The following STRN variants were observed in gnomAD, a reference collection of about 807,000 sequenced individuals.
STRN encodes the protein protein phosphatase 2 regulatory subunit B'''alpha.
STRN carries 53 observed loss-of-function variants against 96.3 expected under a neutral mutation model. The observed-to-expected ratio is 0.55, with a 90% CI of 0.44 to 0.69. STRN has a LOEUF of 0.69. Ranked by LOEUF, STRN falls within the 30% of genes least tolerant of loss-of-function variation. STRN has a pLI of 0.00. For missense variants in STRN, 987 were observed against 963.9 expected (o/e 1.02, Z -0.32); for synonymous variants, 428 against 355.9 (o/e 1.20, Z -2.28).
chr2:36,897,730 C>A (rs1669582847), intron 6 of STRN, among the ~76,000 whole-genome samples: 1 of 152,074 alleles, frequency 6.6e-6, no homozygotes, highest in Admixed American at 6.6e-5. Context: ...AGCCACCGTA[C>A]CCAGCCAAAA....
intron 1 of STRN, among the ~76,000 whole-genome samples, chr2:36,930,031 A>C (rs74889082): frequency 6.6e-6 from 1 of 152,224 alleles, no homozygotes; most frequent in African/African-American, 2.4e-5. Context: ...TCTATAAACT[A>C]TATCTATTCC....
In STRN at chr2:36,915,946, A is replaced by G. The variant is rs141746110; in HGVS notation, c.412+132T>C. Reference sequence around the variant, plus strand: ...ATCTAAATGACACTAAATGGTGCCAAAAGACAAGCAGGTCAGAAAAAATAA... The same window carrying G: ...ATCTAAATGACACTAAATGGTGCCAGAAGACAAGCAGGTCAGAAAAAATAA... On this transcript the variant is annotated intron_variant, in intron 3 of 17. Coordinates refer to ENST00000263918, the MANE Select transcript of STRN (RefSeq NM_003162.4). 934 of 756,726 alleles carry G rather than the reference A, an allele frequency of 1.2e-3. 13 individuals are homozygous for G. In the East Asian group the frequency reaches 0.021, roughly 17 times the overall value. 46.9% of individuals were successfully genotyped at this position (756,726 alleles called of 1,614,324 possible).
Position 36,851,008 on chromosome 2 carries a change from T to C in STRN, c.2078A>G (p.Asn693Ser). The C allele has an allele frequency of 6.2e-7, 1 of 1,608,498 alleles. No individual in the cohort carries two copies. The highest frequency in any genetic ancestry group is 8.5e-7 in the Non-Finnish European group (1 of 1,176,502). ...HEDRHIKFYD[N>S]NTGKLIHSMV... ...TCTTAATAAATTCTTACCTGTATTG[T>C]TATCATAGAATTTGATGTGCCTGTC... The change falls in exon 16 of 18, where the codon AAC (asparagine) becomes AGC (serine). Residue 693 changes from asparagine (N) to serine (S), a missense_variant. Physicochemically the swap from Asn to Ser is conservative, Grantham distance 46. Transcript: ENST00000263918.
At chr2:36,958,149 A>T (rs896439700) in intron 1 of STRN, among the ~76,000 whole-genome samples, 2 of 151,608 alleles carry the variant, frequency 1.3e-5, no homozygotes, top group Admixed American at 1.3e-4. Context: ...TGAACTCCGG[A>T]CCTCAGGTGA....
intron 1 of STRN, among the ~76,000 whole-genome samples, chr2:36,937,923 A>C (rs1206688108): frequency 6.6e-6 from 1 of 152,164 alleles, no homozygotes; most frequent in Admixed American, 6.5e-5. Context: ...CTATAAAGAA[A>C]AGTAGGGGAA....
intron 10 of STRN, among the ~76,000 whole-genome samples, chr2:36,871,693 T>C (rs911765592): frequency 2.6e-5 from 4 of 152,234 alleles, no homozygotes; most frequent in African/African-American, 9.6e-5. Flanking sequence ...TTTATATGCA[T>C]TAACTCACTT....
At chr2:36,965,128 G>A (rs946915177) in intron 1 of STRN, among the ~76,000 whole-genome samples, 19 of 151,660 alleles carry the variant, frequency 1.3e-4, no homozygotes, top group Admixed American at 9.8e-4. Context: ...TTTCTTAAGC[G>A]CCAAATACAT....
At chr2:36,934,177 A>C (rs1364985370) in intron 1 of STRN, among the ~76,000 whole-genome samples, 1 of 152,204 alleles carries the variant, frequency 6.6e-6, no homozygotes, top group Admixed American at 6.5e-5. Context: ...AGAAAGAAAA[A>C]TGTAAGGACT....
chr2:36,902,286 T>G (rs1669705602), intron 5 of STRN, among the ~76,000 whole-genome samples: 1 of 152,204 alleles, frequency 6.6e-6, no homozygotes, highest in East Asian at 1.9e-4. Context: ...TTCTTACAGA[T>G]TTGTACTGAA....
chr2:36,888,667 G>GTGTGTGTGTGTGTGTGTGTGTT (rs1343305681), intron 7 of STRN, among the ~76,000 whole-genome samples: 1 of 150,600 alleles, frequency 6.6e-6, no homozygotes, highest in Non-Finnish European at 1.5e-5. Context: ...GTGTGTGTGT[G>GTGTGTGTGTGTGTGTGTGTGTT]TGTGCATTTA....
chr2:36,850,682 A>C (rs539384105), intron 16 of STRN, among the ~76,000 whole-genome samples: 1 of 152,194 alleles, frequency 6.6e-6, no homozygotes, highest in East Asian at 1.9e-4. Context: ...ATAATACTAC[A>C]ATAGATCATA....
Position 36,840,998 on chromosome 2 carries a change from T to C in STRN, c.*8458A>G, listed in dbSNP as rs544175185. On this transcript the variant is annotated 3_prime_UTR_variant, in exon 18 of 18. Transcript: ENST00000263918. ...TAGCAGAGGCAAGCTATACTATCAA[T>C]TGGACACCTCAAGGGCACAAAATTG... The C allele has an allele frequency of 6.6e-6, 1 of 152,256 alleles. No homozygotes were observed. Among genetic ancestry groups the C allele is most frequent in the African/African-American group, 2.4e-5 (1 of 41,562 alleles). 9.4% of individuals were successfully genotyped at this position (152,256 alleles called of 1,614,324 possible).
chr2:36,939,867 A>T (rs1417925290), intron 1 of STRN, among the ~76,000 whole-genome samples: 1 of 152,232 alleles, frequency 6.6e-6, no homozygotes, highest in Non-Finnish European at 1.5e-5. Flanking sequence ...CTAGGGAAAG[A>T]CCACGATACA....
chr2:36,943,359 T>C (rs904416277), intron 1 of STRN, among the ~76,000 whole-genome samples: 1 of 151,298 alleles, frequency 6.6e-6, no homozygotes, highest in Non-Finnish European at 1.5e-5. Flanking sequence ...GTTATACAAT[T>C]ATTAAAAATA....
chr2:36,887,598 C>A (rs1009441771), intron 7 of STRN, among the ~76,000 whole-genome samples: 1 of 152,030 alleles, frequency 6.6e-6, no homozygotes, highest in Non-Finnish European at 1.5e-5. Flanking sequence ...ACAAAATAAA[C>A]GCCAATGATC....
chr2:36,858,136 G>T, intron 13 of STRN, 113 bp from the exon 14 acceptor site: 2 of 760,508 alleles, frequency 2.6e-6, no homozygotes, highest in Non-Finnish European at 3.8e-6. Context: ...TATAAAATAT[G>T]ATTCTTGGTT....
At chr2:36,916,799 G>T (rs1427387239) in intron 2 of STRN, among the ~76,000 whole-genome samples, 1 of 152,074 alleles carries the variant, frequency 6.6e-6, no homozygotes, top group Non-Finnish European at 1.5e-5. Flanking sequence ...AAAGTTGACA[G>T]AATGTTATCA....
At chr2:36,928,947 CAA>C (rs57198345) in intron 1 of STRN, among the ~76,000 whole-genome samples, 28 of 68,042 alleles carry the variant, frequency 4.1e-4, no homozygotes, top group African/African-American at 5.9e-4. Flanking sequence ...GACTCCGTCT[CAA>C]AAAAAAAAAA....
chr2:36,917,044 T>TAAAA, intron 2 of STRN, among the ~76,000 whole-genome samples: 1 of 78,780 alleles, frequency 1.3e-5, no homozygotes, highest in Non-Finnish European at 2.5e-5. Flanking sequence ...GAATGATCAA[T>TAAAA]AAAAAAATAA....
Sources: allele counts gnomAD v4.1 joint callset (sites outside exome capture counted in the v4.1 genomes callset), GRCh38; gene constraint gnomAD v4.1.1; transcripts MANE v1.5; gene names NCBI Gene and HGNC (gene_info 2026-07-23, HGNC 2026-07-21).